The following MKNK1 variants were observed in gnomAD, a reference collection of about 807,000 sequenced individuals.
MKNK1 encodes MAP kinase-interacting serine/threonine-protein kinase 1.
MKNK1 carries 30 observed loss-of-function variants against 49.3 expected under a neutral mutation model. That is an observed-to-expected ratio of 0.61 (90% CI 0.46 to 0.83). The LOEUF (loss-of-function observed/expected upper bound fraction) is 0.83, where lower values mean the gene tolerates loss of function less well. MKNK1 is among the 40% of genes least tolerant of loss of function. The probability of loss-of-function intolerance (pLI) is 0.00; values close to 1 mark genes in which losing one functional copy is unlikely to be tolerated. For synonymous variants in MKNK1, 176 were observed against 201.7 expected (o/e 0.87, Z 1.08); for missense variants, 423 against 524.7 (o/e 0.81, Z 1.89).
At chr1:46,590,840 T>C (rs1673237611) in intron 2 of MKNK1, among the ~76,000 whole-genome samples, 1 of 152,254 alleles carries the variant, frequency 6.6e-6, no homozygotes, top group Non-Finnish European at 1.5e-5. Flanking sequence ...TGTGAAAAGG[T>C]TGGGCAGCAC....
Position 46,565,118 on chromosome 1 carries a change from A to C in MKNK1, c.532T>G (p.Cys178Gly), listed in dbSNP as rs1401364495. Residue 178 changes from cysteine to glycine, a missense_variant, in exon 9 of 13, where the codon TGT becomes GGT. By Grantham distance (159) the Cys-to-Gly change is radical (BLOSUM62 -3). Coordinates refer to ENST00000371945, the MANE Select transcript of MKNK1 (RefSeq NM_001135553.4). Reference sequence around the variant, plus strand: ...ATCCCACTGCCCAAGTCAAAGTCACAGATTTTCACTGGAGACACCTGAAAA... The same window carrying C: ...ATCCCACTGCCCAAGTCAAAGTCACCGATTTTCACTGGAGACACCTGAAAA... ...SPEKVSPVKICDFDLGSGMKL... is the reference protein window; with the variant it reads ...SPEKVSPVKIGDFDLGSGMKL... The C allele has an allele frequency of 6.2e-7, 1 of 1,614,088 alleles. No homozygotes were observed. The highest frequency in any genetic ancestry group is 8.5e-7 in the Non-Finnish European group (1 of 1,180,020).
intron 7 of MKNK1, chr1:46,569,226 T>A (rs947118647): frequency 6.6e-6 from 1 of 152,338 alleles, no homozygotes; most frequent in African/African-American, 2.4e-5. Flanking sequence ...CTAGGCCCAC[T>A]GAGGGTTGCT....
intron 3 of MKNK1, among the ~76,000 whole-genome samples, chr1:46,581,842 G>A (rs1449098891): frequency 6.6e-6 from 1 of 152,090 alleles, no homozygotes; most frequent in Non-Finnish European, 1.5e-5. Flanking sequence ...GGAACATCTA[G>A]ATGACCTGCC....
intron 1 of MKNK1, among the ~76,000 whole-genome samples, chr1:46,601,519 A>G (rs1674728676): frequency 6.6e-6 from 1 of 152,218 alleles, no homozygotes. Context: ...AGGTCTCTGA[A>G]CACAGCATTA....
chr1:46,577,581 T>C (rs1430054197), intron 4 of MKNK1, among the ~76,000 whole-genome samples: 1 of 152,228 alleles, frequency 6.6e-6, no homozygotes, highest in Non-Finnish European at 1.5e-5. Context: ...TATGAAACAT[T>C]TGCCTGCAGT....
intron 1 of MKNK1, 124 bp from the exon 2 acceptor site, chr1:46,594,404 C>T: frequency 2.0e-6 from 1 of 509,936 alleles, no homozygotes; most frequent in Non-Finnish European, 3.6e-6. Flanking sequence ...GATATACACG[C>T]AGCAATCACA....
chr1:46,560,425 A>G (rs1189480809), intron 11 of MKNK1, 148 bp from the exon 12 acceptor site: 1 of 812,084 alleles, frequency 1.2e-6, no homozygotes, highest in East Asian at 2.6e-5. Flanking sequence ...CAGGCCTTCC[A>G]AGCAGAGAGC....
chr1:46,583,079 C>T (rs1408106236), intron 3 of MKNK1, 149 bp downstream of exon 3: 3 of 723,072 alleles, frequency 4.1e-6, no homozygotes, highest in Non-Finnish European at 7.5e-6. Context: ...GTGTAAACTC[C>T]CTCATCCCCA....
At chr1:46,563,703 A>C (rs1159081323) in intron 9 of MKNK1, 2 of 152,250 alleles carry the variant, frequency 1.3e-5, no homozygotes, top group African/African-American at 4.8e-5. Flanking sequence ...GTTTAGAATA[A>C]GATACAACAC....
At position 46,573,236 on chromosome 1, in the gene MKNK1, C is replaced by T. The variant is rs566541302; in HGVS notation, c.353-1069G>A. On this transcript the variant is annotated intron_variant, in intron 6 of 12. Transcript: ENST00000371945. ...CCTCCGAGTCTGTGCAGACATCCCC[C>T]AGCAGGACTTGTGGTCTGACTGCTG... 2.0e-5 allele frequency among the ~76,000 whole-genome samples: 3 copies of T among 152,348 alleles called. No homozygotes were observed. In the East Asian group the frequency reaches 5.8e-4, roughly 29 times the overall value.
intron 1 of MKNK1, among the ~76,000 whole-genome samples, chr1:46,603,248 A>G (rs1218271540): frequency 6.6e-6 from 1 of 152,182 alleles, no homozygotes; most frequent in Non-Finnish European, 1.5e-5. Context: ...CCAGTGAGAC[A>G]TTACACCTAC....
intron 9 of MKNK1, among the ~76,000 whole-genome samples, chr1:46,564,044 C>CAAAAAAAAAAAA (rs1217205121): frequency 1.0e-4 from 4 of 39,084 alleles, no homozygotes; most frequent in African/African-American, 3.3e-4. Context: ...GACTCTGTCT[C>CAAAAAAAAAAAA]AAAAAAAAAA....
chr1:46,574,827 T>C, intron 6 of MKNK1, 120 bp downstream of exon 6: 1 of 670,072 alleles, frequency 1.5e-6, no homozygotes, highest in East Asian at 2.7e-5. Flanking sequence ...AAGGGCAGTT[T>C]TTAAGTCCTT....
chr1:46,580,019 G>C (rs534542736), intron 4 of MKNK1, among the ~76,000 whole-genome samples: 15 of 152,222 alleles, frequency 9.9e-5, no homozygotes, highest in Admixed American at 5.9e-4. Context: ...ACCTCTCCCA[G>C]GATATTTTAA....
chr1:46,594,770 G>A (rs1331669887), intron 1 of MKNK1: 1 of 320,952 alleles, frequency 3.1e-6, no homozygotes, highest in Non-Finnish European at 6.3e-6. Context: ...TGAGGCAGGT[G>A]GATTGACTGA....
intron 8 of MKNK1, among the ~76,000 whole-genome samples, chr1:46,567,280 C>A (rs879552526): frequency 5.9e-5 from 9 of 152,158 alleles, no homozygotes; most frequent in Admixed American, 5.9e-4. Flanking sequence ...TCCTCACGTT[C>A]TTGTTATGAG....
chr1:46,597,565 C>T (rs1674243893), intron 1 of MKNK1, among the ~76,000 whole-genome samples: 1 of 152,222 alleles, frequency 6.6e-6, no homozygotes, highest in Non-Finnish European at 1.5e-5. Flanking sequence ...GAGTCTTAAC[C>T]TGCAGTCTCG....
intron 1 of MKNK1, among the ~76,000 whole-genome samples, chr1:46,600,320 C>G (rs1260068540): frequency 1.3e-5 from 2 of 152,288 alleles, no homozygotes; most frequent in Non-Finnish European, 2.9e-5. Flanking sequence ...GTATATTTCT[C>G]AATACCAGGG....
In MKNK1 at chr1:46,589,452, T is replaced by C. The variant is rs1420366613; in HGVS notation, c.-3+4661A>G. ...GGCACAGAGCACATGGGAGGAGGGA[T>C]GACATTAGCTCACAAGCAGTCTCAT... On this transcript the variant is annotated intron_variant, in intron 2 of 12. Coordinates refer to ENST00000371945, the MANE Select transcript of MKNK1 (RefSeq NM_001135553.4). The surrounding 1 kb of genome is among the most constrained non-coding windows in gnomAD (Gnocchi z 4.3). 6.6e-6 allele frequency among the ~76,000 whole-genome samples: 1 copy of C among 152,234 alleles called. No individual in the cohort carries two copies. The highest frequency in any genetic ancestry group is 1.9e-4 in the East Asian group (1 of 5,204).
Sources: gnomAD v4.1 joint callset for allele counts (sites outside exome capture counted in the v4.1 genomes callset) on GRCh38, gnomAD v4.1.1 for gene constraint, Gnocchi (gnomAD v3.1) non-coding constraint, MANE v1.5 for transcripts, NCBI Gene and HGNC (gene_info 2026-07-23, HGNC 2026-07-21) for gene names.